Variants in DOCK8 observed in about 807,000 individuals in gnomAD.
The protein encoded by DOCK8 is dedicator of cytokinesis 8, also known as dedicator of cytokinesis protein 8.
A neutral mutation model predicts 245.6 loss-of-function variants in DOCK8; 141 were observed. The ratio of observed to expected loss-of-function variants is 0.57; its 90% CI spans 0.50 to 0.66. The LOEUF is 0.66. Ranked by LOEUF, DOCK8 falls within the 30% of genes least tolerant of loss-of-function variation. The pLI is 0.00. For synonymous variants in DOCK8, 1,168 were observed against 970.2 expected, an observed-to-expected ratio of 1.20 and a Z score of -3.79; for missense variants, 2,965 against 2,603.4, an observed-to-expected ratio of 1.14 and a Z score of -3.02.
intron 14 of DOCK8, among the ~76,000 whole-genome samples, chr9:344,180 A>G (rs2051753365): frequency 6.6e-6 from 1 of 152,196 alleles, no homozygotes; most frequent in African/African-American, 2.4e-5. Flanking sequence ...GAATGACAGA[A>G]GAGATTTCTC....
intron 1 of DOCK8, among the ~76,000 whole-genome samples, chr9:269,466 G>A (rs1484713251): frequency 6.6e-6 from 1 of 150,818 alleles, no homozygotes; most frequent in Non-Finnish European, 1.5e-5. Flanking sequence ...GTTGATGGAC[G>A]TTTGGATTTT....
intron 27 of DOCK8, 76 bp from the exon 28 acceptor site, chr9:406,854 A>C: frequency 6.3e-7 from 1 of 1,596,380 alleles, no homozygotes; most frequent in Non-Finnish European, 8.6e-7. Context: ...TGGGGCGAGG[A>C]CTCAGTAAAC....
intron 1 of DOCK8, among the ~76,000 whole-genome samples, chr9:251,046 A>G (rs186365285): frequency 4.6e-5 from 7 of 152,322 alleles, no homozygotes; most frequent in African/African-American, 1.7e-4. Context: ...AGAGGAGTCT[A>G]GGGACAGACA....
At chr9:397,776 G>A (rs1002930108) in intron 25 of DOCK8, among the ~76,000 whole-genome samples, 4 of 152,104 alleles carry the variant, frequency 2.6e-5, no homozygotes, top group Non-Finnish European at 4.4e-5. Flanking sequence ...CATGATATTT[G>A]CAACCCATTC....
intron 43 of DOCK8, among the ~76,000 whole-genome samples, chr9:446,084 A>G (rs2057246266): frequency 6.6e-6 from 1 of 152,252 alleles, no homozygotes; most frequent in Non-Finnish European, 1.5e-5. Flanking sequence ...GCAAACTCTC[A>G]TACCAAGGCT....
intron 6 of DOCK8, among the ~76,000 whole-genome samples, chr9:315,961 A>C (rs1482042160): frequency 2.0e-5 from 3 of 152,176 alleles, no homozygotes; most frequent in Admixed American, 2.0e-4. Context: ...GCGAGTAGGC[A>C]TCAAAACAAT....
At chr9:352,529 G>A (rs929332244) in intron 14 of DOCK8, among the ~76,000 whole-genome samples, 21 of 151,988 alleles carry the variant, frequency 1.4e-4, no homozygotes, top group African/African-American at 5.1e-4. Flanking sequence ...GGATCACAAG[G>A]TCAGGAGTTT....
intron 1 of DOCK8, among the ~76,000 whole-genome samples, chr9:231,792 T>A (rs966060674): frequency 2.0e-5 from 3 of 152,192 alleles, no homozygotes; most frequent in East Asian, 3.8e-4. Context: ...CTTGAGGAGA[T>A]TTTGGGCTGA....
chr9:288,854 A>C (rs1412328727), intron 3 of DOCK8, among the ~76,000 whole-genome samples: 1 of 152,250 alleles, frequency 6.6e-6, no homozygotes, highest in East Asian at 1.9e-4. Flanking sequence ...CACAGATGAG[A>C]AAATTAAGGC....
At chr9:295,546 T>C (rs1389520831) in intron 4 of DOCK8, among the ~76,000 whole-genome samples, 1 of 152,140 alleles carries the variant, frequency 6.6e-6, no homozygotes, top group Non-Finnish European at 1.5e-5. Flanking sequence ...CACAAAATTC[T>C]CTCCCATATA....
At chr9:442,907 G>A (rs1202102007) in intron 42 of DOCK8, among the ~76,000 whole-genome samples, 1 of 152,174 alleles carries the variant, frequency 6.6e-6, no homozygotes, top group Non-Finnish European at 1.5e-5. Context: ...AGACAAGAGG[G>A]TTTATCCTTA....
At chr9:344,741 C>G (rs1436819774) in intron 14 of DOCK8, among the ~76,000 whole-genome samples, 3 of 152,148 alleles carry the variant, frequency 2.0e-5, no homozygotes, top group Non-Finnish European at 4.4e-5. Context: ...TTAGTCTTAT[C>G]ACTCCCAAGA....
intron 22 of DOCK8, among the ~76,000 whole-genome samples, chr9:383,913 T>G (rs1586856460): frequency 6.6e-6 from 1 of 152,160 alleles, no homozygotes; most frequent in African/African-American, 2.4e-5. Flanking sequence ...TTATTAACAT[T>G]TTACATTCAA....
chr9:215,230 AG>A (rs2046718479), intron 1 of DOCK8: 1 of 1,564,616 alleles, frequency 6.4e-7, no homozygotes, highest in African/African-American at 1.4e-5. Flanking sequence ...GGGCCCGGCG[AG>A]GTCCTCCCCA....
At chr9:235,350 C>A (rs1407305189) in intron 1 of DOCK8, among the ~76,000 whole-genome samples, 1 of 152,142 alleles carries the variant, frequency 6.6e-6, no homozygotes, top group Non-Finnish European at 1.5e-5. Context: ...GGTCAGGGAC[C>A]CACTTGAGGA....
At chr9:391,348 C>T (rs1192540936) in intron 24 of DOCK8, among the ~76,000 whole-genome samples, 1 of 152,050 alleles carries the variant, frequency 6.6e-6, no homozygotes, top group Non-Finnish European at 1.5e-5. Context: ...TCTGTCTCAG[C>T]GGTTAGATTT....
In DOCK8 at chr9:286,654, A is replaced by C. The variant is rs1481542055; in HGVS notation, c.332+18A>C. ...GAGGAAGGGTAAATAGTTTTCTAAA[A>C]TGTAGATGTGATTGGGATTGTCATG... On this transcript the variant is annotated intron_variant, in intron 3 of 47. Transcript: ENST00000432829. 4 of 1,612,780 alleles carry C rather than the reference A, an allele frequency of 2.5e-6. No homozygotes were observed. The Admixed American group carries it at 5.0e-5, about 20-fold the overall frequency.
intron 4 of DOCK8, among the ~76,000 whole-genome samples, chr9:301,896 A>G (rs929599665): frequency 1.3e-5 from 2 of 152,224 alleles, no homozygotes; most frequent in Non-Finnish European, 2.9e-5. Flanking sequence ...GGAAGAATCA[A>G]TATTATTAAA....
intron 39 of DOCK8, among the ~76,000 whole-genome samples, chr9:437,529 G>A (rs551632166): frequency 1.3e-5 from 2 of 152,282 alleles, no homozygotes; most frequent in African/African-American, 2.4e-5. Context: ...TGGAATTATG[G>A]GTGATTTCTT....
Sources: allele counts gnomAD v4.1 joint callset (sites outside exome capture counted in the v4.1 genomes callset), GRCh38; gene constraint gnomAD v4.1.1; transcripts MANE v1.5; gene names NCBI Gene and HGNC (gene_info 2026-07-23, HGNC 2026-07-21).